The following SRD5A2 variants were observed in gnomAD, a reference collection of about 807,000 sequenced individuals.
SRD5A2 encodes 3-oxo-5-alpha-steroid 4-dehydrogenase 2.
Under a neutral mutation model 27.4 loss-of-function variants are expected in SRD5A2, and 30 were observed. The ratio of observed to expected loss-of-function variants is 1.10; its 90% CI spans 0.82 to 1.49. The LOEUF (loss-of-function observed/expected upper bound fraction) is 1.49. Ranked by LOEUF, SRD5A2 falls within the 40% of genes most tolerant of loss-of-function variation. The pLI, the probability that SRD5A2 is intolerant of heterozygous loss-of-function variation, is 0.00. For synonymous variants in SRD5A2, 141 were observed against 133.6 expected (o/e 1.06, Z -0.38); for missense variants, 348 against 323.4 (o/e 1.08, Z -0.58).
chr2:31,602,417 C>A, the SRD5A2 span, among the ~76,000 whole-genome samples: 1 of 152,048 alleles, frequency 6.6e-6, no homozygotes, highest in Non-Finnish European at 1.5e-5. Context: ...AGGACGCAAA[C>A]AAATGGAAAA....
upstream of SRD5A2, among the ~76,000 whole-genome samples, chr2:31,583,651 C>CAAAAAAAAAG (rs1558379512): frequency 1.5e-5 from 1 of 66,514 alleles, no homozygotes; most frequent in Non-Finnish European, 2.9e-5. Context: ...AAAAAAAAAA[C>CAAAAAAAAAG]CAAAAAAAAA....
chr2:31,587,120 C>T, the SRD5A2 span, among the ~76,000 whole-genome samples: 893 of 152,142 alleles, frequency 5.9e-3, 8 homozygotes, highest in African/African-American at 0.021. Flanking sequence ...GACATTTATG[C>T]GGCCAACAAA....
the SRD5A2 span, among the ~76,000 whole-genome samples, chr2:31,626,791 C>T: frequency 1.9e-4 from 29 of 152,240 alleles, no homozygotes; most frequent in Admixed American, 3.9e-4. Context: ...CGTCAATGTT[C>T]ATCAGGGATA....
chr2:31,655,000 A>G, the SRD5A2 span, among the ~76,000 whole-genome samples: 1 of 152,254 alleles, frequency 6.6e-6, no homozygotes, highest in Non-Finnish European at 1.5e-5. Flanking sequence ...ATAAGCAGAT[A>G]TGAGTCAAAT....
intron 1 of SRD5A2, among the ~76,000 whole-genome samples, chr2:31,544,808 A>G (rs1477397468): frequency 1.3e-5 from 2 of 151,936 alleles, no homozygotes; most frequent in African/African-American, 4.8e-5. Flanking sequence ...CTACACTTAG[A>G]TTGACTAAGA....
the SRD5A2 span, among the ~76,000 whole-genome samples, chr2:31,628,759 A>G: frequency 6.6e-6 from 1 of 152,144 alleles, no homozygotes; most frequent in African/African-American, 2.4e-5. Flanking sequence ...TCTTGGTTGA[A>G]AATAGGCTCC....
At chr2:31,635,706 C>T in the SRD5A2 span, among the ~76,000 whole-genome samples, 4 of 152,046 alleles carry the variant, frequency 2.6e-5, no homozygotes, top group African/African-American at 9.7e-5. Flanking sequence ...ATATTTAAGT[C>T]TTCAATACAT....
chr2:31,530,385 A>T (rs995978149), intron 3 of SRD5A2, among the ~76,000 whole-genome samples: 7 of 152,100 alleles, frequency 4.6e-5, no homozygotes, highest in African/African-American at 1.7e-4. Flanking sequence ...TGAAGATGAG[A>T]CTGCGTCAGT....
intron 1 of SRD5A2, among the ~76,000 whole-genome samples, chr2:31,552,586 G>C (rs1396233324): frequency 2.0e-5 from 3 of 152,146 alleles, no homozygotes; most frequent in Non-Finnish European, 4.4e-5. Flanking sequence ...AGAGAGAAGA[G>C]TGGTGTATAC....
intron 1 of SRD5A2, among the ~76,000 whole-genome samples, chr2:31,550,686 C>A (rs1572642087): frequency 6.6e-6 from 1 of 151,762 alleles, no homozygotes; most frequent in Admixed American, 6.6e-5. Flanking sequence ...AATTCAATTT[C>A]TATTAATGAT....
chr2:31,654,536 G>A, the SRD5A2 span, among the ~76,000 whole-genome samples: 1 of 152,170 alleles, frequency 6.6e-6, no homozygotes, highest in Non-Finnish European at 1.5e-5. Flanking sequence ...TGAGTAACAT[G>A]TAATGCAGCA....
At chr2:31,655,291 G>A in the SRD5A2 span, among the ~76,000 whole-genome samples, 1 of 152,020 alleles carries the variant, frequency 6.6e-6, no homozygotes, top group Admixed American at 6.6e-5. Context: ...TAGAGAGACG[G>A]GGTTTCACCA....
chr2:31,604,807 T>C, the SRD5A2 span, among the ~76,000 whole-genome samples: 3 of 151,794 alleles, frequency 2.0e-5, no homozygotes, highest in African/African-American at 7.3e-5. Flanking sequence ...AAAAAAATCC[T>C]AAAGTGTATA....
chr2:31,594,520 T>C, the SRD5A2 span, among the ~76,000 whole-genome samples: 4 of 152,176 alleles, frequency 2.6e-5, no homozygotes, highest in African/African-American at 9.7e-5. Context: ...TAATTATATA[T>C]GCACCTAACA....
the SRD5A2 span, among the ~76,000 whole-genome samples, chr2:31,649,343 G>T: frequency 6.6e-6 from 1 of 152,006 alleles, no homozygotes; most frequent in Non-Finnish European, 1.5e-5. Flanking sequence ...CCATCCACTG[G>T]CTCCTGACAC....
the SRD5A2 span, among the ~76,000 whole-genome samples, chr2:31,610,113 T>C: frequency 6.6e-6 from 1 of 152,138 alleles, no homozygotes; most frequent in Non-Finnish European, 1.5e-5. Context: ...CTAATACCAA[T>C]GTTTCTCAAA....
At chr2:31,529,600 G>A (rs1558356025) in intron 3 of SRD5A2, 143 bp from the exon 4 acceptor site, 7 of 1,182,842 alleles carry the variant, frequency 5.9e-6, no homozygotes, top group Non-Finnish European at 8.2e-6. Flanking sequence ...GGAGTTTGGT[G>A]GAATCCTCTT....
chr2:31,550,735 T>C (rs997801890), intron 1 of SRD5A2, among the ~76,000 whole-genome samples: 20 of 152,088 alleles, frequency 1.3e-4, no homozygotes, highest in African/African-American at 4.6e-4. Context: ...AGAGGAAAAC[T>C]TCCTGAACTT....
At chr2:31,543,055 T>C (rs1666168464) in intron 1 of SRD5A2, among the ~76,000 whole-genome samples, 1 of 152,108 alleles carries the variant, frequency 6.6e-6, no homozygotes, top group African/African-American at 2.4e-5. Flanking sequence ...CAGCAAGAGA[T>C]AGAAATGACT....
Sources: allele counts gnomAD v4.1 joint callset (sites outside exome capture counted in the v4.1 genomes callset), GRCh38; gene constraint gnomAD v4.1.1; transcripts MANE v1.5; gene names NCBI Gene and HGNC (gene_info 2026-07-23, HGNC 2026-07-21).